Variants in KIF17 observed in about 807,000 individuals in gnomAD.
KIF17 encodes the protein kinesin-like protein KIF17.
In KIF17, 80 loss-of-function variants were observed where a neutral mutation model predicts 96.8. That is an observed-to-expected ratio of 0.83 (90% confidence interval 0.69 to 1.00). The LOEUF (loss-of-function observed/expected upper bound fraction) is 1.00, where lower values mean the gene tolerates loss of function less well. Ranked by LOEUF, KIF17 falls within the 50% of genes least tolerant of loss-of-function variation. The pLI, the probability that KIF17 is intolerant of heterozygous loss-of-function variation, is 0.00. For missense variants in KIF17, 1,280 were observed against 1,372.9 expected, an observed-to-expected ratio of 0.93 and a Z score of 1.07; for synonymous variants, 567 against 587.5, an observed-to-expected ratio of 0.97 and a Z score of 0.51.
Position 20,704,824 on chromosome 1 carries a change from T to C in KIF17, c.746A>G (p.Lys249Arg). Residue 249 changes from lysine (K) to arginine (R), a missense_variant, in exon 5 of 15, where the codon AAG (lysine) becomes AGG (arginine). Transcript: ENST00000400463. The surrounding 1 kb of genome is among the most constrained non-coding windows in gnomAD (Gnocchi z 6.8). ...GAGCCGCTCGCCCGTGGCCCCGGTC[T>C]TGGACTGCCGCTCGCTGCCCGCCAG... is the stretch of plus-strand genomic sequence containing the variant. ...VDLAGSERQSKTGATGERLKE... is the reference protein window; with the variant it reads ...VDLAGSERQSRTGATGERLKE... The C allele has an allele frequency of 6.2e-7, 1 of 1,606,800 alleles. No homozygotes were observed. The highest frequency in any genetic ancestry group is 8.5e-7 in the Non-Finnish European group (1 of 1,179,880).
chr1:20,710,385 GGT>G (rs1387879611), intron 3 of KIF17, among the ~76,000 whole-genome samples: 1 of 152,124 alleles, frequency 6.6e-6, no homozygotes, highest in Non-Finnish European at 1.5e-5. Flanking sequence ...TCAGATCACA[GGT>G]GAGCCCACTT....
In KIF17 at chr1:20,717,660, T is replaced by C; in HGVS notation, c.47A>G (p.Asn16Ser). 1 of 1,605,410 alleles carries C rather than the reference T, an allele frequency of 6.2e-7. No individual in the cohort carries two copies. The highest frequency in any genetic ancestry group is 8.5e-7 in the Non-Finnish European group (1 of 1,178,864). Residue 16 changes from asparagine (N) to serine (S), a missense_variant, in exon 1 of 15, where the codon AAC becomes AGC. Asn to Ser is a conservative substitution (Grantham distance 46). Transcript: ENST00000400463. ...VKVVVRCRPM[N>S]QRERELRCQP... The stretch of plus-strand genomic sequence containing the variant: ...GCAGCGCAGCTCTCGCTCCCGCTGG[T>C]TCATGGGACGGCAGCGCACGACAAC...
chr1:20,682,813 T>C lies in KIF17; in HGVS notation c.2303A>G (p.Lys768Arg). The C allele has an allele frequency of 1.7e-5, 27 of 1,612,708 alleles. No homozygotes were observed. Among genetic ancestry groups the C allele is most frequent in the Non-Finnish European group, 2.2e-5 (26 of 1,180,038 alleles). The change falls in exon 11 of 15, where the codon AAG becomes AGG. Residue 768 changes from lysine to arginine, a missense_variant. Physicochemically the swap from Lys to Arg is conservative, Grantham distance 26. Coordinates refer to ENST00000400463, the MANE Select transcript of KIF17 (RefSeq NM_001122819.3). ...AKNKDLKEKHKRRKRYADERR... is the reference protein window; with the variant it reads ...AKNKDLKEKHRRRKRYADERR... ...CTCGTCTGCGTAGCGCTTGCGCCGC[T>C]TGTGCTTCTCCTTCAGGTCCTTGTT...
At chr1:20,667,473 T>C (rs1024896403) in intron 13 of KIF17, among the ~76,000 whole-genome samples, 7 of 152,226 alleles carry the variant, frequency 4.6e-5, no homozygotes, top group African/African-American at 1.7e-4. Context: ...CTAATAGAAA[T>C]GAAGTCCACA....
At chr1:20,684,050 G>A (rs1336641431) in intron 10 of KIF17, among the ~76,000 whole-genome samples, 1 of 152,270 alleles carries the variant, frequency 6.6e-6, no homozygotes, top group Non-Finnish European at 1.5e-5. Context: ...TTCTCACACT[G>A]GGACTACTGA....
chr1:20,668,777 C>T lies in KIF17; in HGVS notation c.2790+1644G>A, dbSNP rs187414227. On this transcript the variant is annotated intron_variant, in intron 13 of 14. Coordinates refer to ENST00000400463, the MANE Select transcript of KIF17 (RefSeq NM_001122819.3). ...TTGTAAATAAAGTTTTATTGGAACA[C>T]CATTCATTTGTGTATTACCTGTGGC... Among the ~76,000 whole-genome samples the T allele has an allele frequency of 9.8e-5, 15 of 152,296 alleles. No homozygotes were observed. In the East Asian group the frequency reaches 2.7e-3, roughly 27 times the overall value.
rs776191053 is a variant in KIF17, at chr1:20,717,639, C to A, written c.68G>T (p.Arg23Leu). The part of the protein sequence containing the change: ...RPMNQREREL[R>L]CQPVVTVDCA... ...GTCCACAGTCACCACGGGCTGGCAG[C>A]GCAGCTCTCGCTCCCGCTGGTTCAT... is the stretch of plus-strand genomic sequence containing the variant. The change falls in exon 1 of 15, where the codon CGC (arginine) becomes CTC (leucine). Residue 23 changes from arginine (R) to leucine (L), a missense_variant. Transcript: ENST00000400463. 21 of 1,607,576 alleles carry A rather than the reference C, an allele frequency of 1.3e-5. No homozygotes were observed. The South Asian group carries it at 2.2e-4, about 17-fold the overall frequency.
At chr1:20,714,040 T>G (rs1304268499) in intron 2 of KIF17, among the ~76,000 whole-genome samples, 1 of 151,714 alleles carries the variant, frequency 6.6e-6, no homozygotes, top group Non-Finnish European at 1.5e-5. Context: ...ATACAAAAAT[T>G]AGCTAGGCCA....
In KIF17 at chr1:20,664,552, C is replaced by G. The variant is rs762376600; in HGVS notation, c.*32G>C. ...GGGAGGGCCTGGCAGTCTCTACATG[C>G]CTATAAGGCAGGCAATGGCAAGCAG... is the stretch of plus-strand genomic sequence containing the variant. On this transcript the variant is annotated 3_prime_UTR_variant, in exon 15 of 15. Transcript: ENST00000400463. 1 of 1,613,760 alleles carries G rather than the reference C, an allele frequency of 6.2e-7. No homozygotes were observed. The highest frequency in any genetic ancestry group is 1.1e-5 in the South Asian group (1 of 91,056).
In KIF17 at chr1:20,704,719, T is replaced by G. The variant is rs757658677; in HGVS notation, c.851A>C (p.His284Pro). The G allele has an allele frequency of 6.2e-7, 1 of 1,613,472 alleles. No homozygotes were observed. The highest frequency in any genetic ancestry group is 8.5e-7 in the Non-Finnish European group (1 of 1,179,610). Residue 284 changes from histidine to proline, a missense_variant, in exon 5 of 15, where the codon CAC (histidine) becomes CCC (proline). His to Pro is a moderately conservative substitution (Grantham distance 77). Transcript: ENST00000400463. This position sits in a 1 kb window ranked among gnomAD's most constrained non-coding sequence, Gnocchi z 6.8. Reference sequence around the variant, plus strand: ...CAGCTTCGAGTCACGGTAGGGGACGTGCTTACAGCGCCCGTCCACCAGCGC... The same window carrying G: ...CAGCTTCGAGTCACGGTAGGGGACGGGCTTACAGCGCCCGTCCACCAGCGC... ...ISALVDGRCKHVPYRDSKLTR... is the reference protein window; with the variant it reads ...ISALVDGRCKPVPYRDSKLTR...
intron 6 of KIF17, 108 bp downstream of exon 6, chr1:20,698,271 C>T (rs1046453212): frequency 2.6e-6 from 2 of 768,814 alleles, no homozygotes; most frequent in East Asian, 2.6e-5. Flanking sequence ...ACCAAACCCA[C>T]GGTGAAGGTA....
At chr1:20,664,789 G>A in intron 14 of KIF17, 27 bp from the exon 15 acceptor site, 1 of 1,606,288 alleles carries the variant, frequency 6.2e-7, no homozygotes. Flanking sequence ...AGAGGTGCTG[G>A]TAAGCCAGGA....
At chr1:20,716,308 G>A (rs1055629957) in intron 1 of KIF17, among the ~76,000 whole-genome samples, 1 of 152,160 alleles carries the variant, frequency 6.6e-6, no homozygotes, top group Non-Finnish European at 1.5e-5. Flanking sequence ...CTCTCACAGG[G>A]TGCATACAGG....
At position 20,682,633 on chromosome 1, in the gene KIF17, G is replaced by A. The variant is rs1345601227; in HGVS notation, c.2463+20C>T. The A allele has an allele frequency of 6.2e-7, 1 of 1,608,602 alleles. No homozygotes were observed. The highest frequency in any genetic ancestry group is 8.5e-7 in the Non-Finnish European group (1 of 1,175,386). On this transcript the variant is annotated intron_variant, in intron 11 of 14. Coordinates refer to ENST00000400463, the MANE Select transcript of KIF17 (RefSeq NM_001122819.3). ...CCATCTCTGGGCAGCTGGGCATGGG[G>A]GGCTGCATCTGGGCCTCACCTTCCT...
rs2053665078 is a variant in KIF17, at chr1:20,672,454, T to A, written c.2464-258A>T. On this transcript the variant is annotated intron_variant, in intron 11 of 14. Coordinates refer to ENST00000400463, the MANE Select transcript of KIF17 (RefSeq NM_001122819.3). This position sits in a 1 kb window ranked among gnomAD's most constrained non-coding sequence, Gnocchi z 4.3. Reference sequence around the variant, plus strand: ...ACCCAGCATTTAAATGAGCACCTAATGTGTCCCCCCAGCCCTGCAAAATGT... The same window carrying A: ...ACCCAGCATTTAAATGAGCACCTAAAGTGTCCCCCCAGCCCTGCAAAATGT... Among the ~76,000 whole-genome samples the A allele has an allele frequency of 6.6e-6, 1 of 152,142 alleles. No homozygotes were observed. The highest frequency in any genetic ancestry group is 2.1e-4 in the South Asian group (1 of 4,832).
Position 20,685,198 on chromosome 1 carries a change from T to C in KIF17, c.2020-178A>G. ...CGCCCTGTTGAGTTCTTACTGCCGCTATTCCCACTGACACCCCCACGCTAG... is the reference window on the plus strand; with the variant it reads ...CGCCCTGTTGAGTTCTTACTGCCGCCATTCCCACTGACACCCCCACGCTAG... On this transcript the variant is annotated intron_variant, in intron 9 of 14. Transcript: ENST00000400463. The surrounding 1 kb of genome is among the most constrained non-coding windows in gnomAD (Gnocchi z 4.1). 2 of 707,954 alleles carry C rather than the reference T, an allele frequency of 2.8e-6. No individual in the cohort carries two copies. The highest frequency in any genetic ancestry group is 5.2e-6 in the Non-Finnish European group (2 of 385,534). 43.9% of individuals were successfully genotyped at this position (707,954 alleles called of 1,614,324 possible).
chr1:20,665,875 G>A (rs946378174), intron 14 of KIF17, among the ~76,000 whole-genome samples: 1 of 152,142 alleles, frequency 6.6e-6, no homozygotes, highest in African/African-American at 2.4e-5. Context: ...CGTGTGACTC[G>A]CCAGGAAGCT....
At chr1:20,681,220 C>T (rs570651415) in intron 11 of KIF17, among the ~76,000 whole-genome samples, 91 of 150,280 alleles carry the variant, frequency 6.1e-4, no homozygotes, top group African/African-American at 2.1e-3. Context: ...GACAGAGTCT[C>T]GCACTGTCAC....
chr1:20,694,120 CAG>C (rs1171005595), intron 6 of KIF17: 1 of 150,766 alleles, frequency 6.6e-6, no homozygotes, highest in Admixed American at 6.6e-5. Context: ...TTTTTTCAGA[CAG>C]AGTCTCGCTC....
Sources: allele counts gnomAD v4.1 joint callset (sites outside exome capture counted in the v4.1 genomes callset), GRCh38; gene constraint gnomAD v4.1.1; non-coding constraint Gnocchi (gnomAD v3.1); transcripts MANE v1.5; gene names NCBI Gene and HGNC (gene_info 2026-07-23, HGNC 2026-07-21).